SND1: variants seen among roughly 807,000 people sequenced by gnomAD.
The protein encoded by SND1 is staphylococcal nuclease domain-containing protein 1.
Under a neutral mutation model 121.7 loss-of-function variants are expected in SND1, and 38 were observed. That is an observed-to-expected ratio of 0.31 (90% confidence interval 0.24 to 0.41). SND1 has a LOEUF of 0.41. Ranked by LOEUF, SND1 falls within the 10% of genes least tolerant of loss-of-function variation. The pLI is 1.00. For synonymous variants in SND1, 401 were observed against 447.4 expected, an observed-to-expected ratio of 0.90 and a Z score of 1.31; for missense variants, 868 against 1,184.6, an observed-to-expected ratio of 0.73 and a Z score of 3.92.
At chr7:127,692,098 AG>A (rs1320761765) in intron 2 of SND1, among the ~76,000 whole-genome samples, 1 of 152,204 alleles carries the variant, frequency 6.6e-6, no homozygotes, top group Admixed American at 6.5e-5. Flanking sequence ...GAAGAGAAAG[AG>A]GGACAAAAAG....
At chr7:128,081,317 C>T (rs1273654984) in intron 17 of SND1, 43 bp from the exon 18 acceptor site, 2 of 1,611,210 alleles carry the variant, frequency 1.2e-6, no homozygotes, top group South Asian at 1.1e-5. Flanking sequence ...TTTATGACTT[C>T]ACTTCCTCGC....
chr7:127,706,085 A>AGTT (rs1455451231), intron 8 of SND1, among the ~76,000 whole-genome samples: 2 of 152,216 alleles, frequency 1.3e-5, no homozygotes, highest in Non-Finnish European at 2.9e-5. Context: ...GTTGTTCTAC[A>AGTT]ATTAAGTTAG....
chr7:127,856,226 A>G (rs1799270433), intron 12 of SND1, among the ~76,000 whole-genome samples: 1 of 152,236 alleles, frequency 6.6e-6, no homozygotes, highest in African/African-American at 2.4e-5. Flanking sequence ...TAATAAAAAC[A>G]GTATATTGGA....
chr7:128,006,337 G>A (rs994143651), intron 16 of SND1, among the ~76,000 whole-genome samples: 1 of 151,968 alleles, frequency 6.6e-6, no homozygotes, highest in African/African-American at 2.4e-5. Context: ...GCGTGCATGT[G>A]TGTTTTGACC....
intron 10 of SND1, among the ~76,000 whole-genome samples, chr7:127,784,619 G>T (rs1004765608): frequency 6.6e-6 from 1 of 152,096 alleles, no homozygotes; most frequent in Non-Finnish European, 1.5e-5. Flanking sequence ...CCACCACATT[G>T]TTCTCCCTTT....
chr7:128,084,382 GTC>G (rs1793654539), intron 18 of SND1, among the ~76,000 whole-genome samples: 2 of 152,218 alleles, frequency 1.3e-5, no homozygotes, highest in South Asian at 4.1e-4. Context: ...CTTGCTCCCT[GTC>G]TACTTTCTTT....
At chr7:127,835,939 A>G (rs1178432703) in intron 11 of SND1, among the ~76,000 whole-genome samples, 1 of 152,152 alleles carries the variant, frequency 6.6e-6, no homozygotes, top group Non-Finnish European at 1.5e-5. Context: ...TGTTATCACT[A>G]CTTCTAGAAA....
intron 11 of SND1, among the ~76,000 whole-genome samples, chr7:127,813,774 G>C (rs547309429): frequency 6.6e-6 from 1 of 152,110 alleles, no homozygotes; most frequent in African/African-American, 2.4e-5. Context: ...TGTTGGCCAG[G>C]CAGGTCTCAA....
intron 11 of SND1, among the ~76,000 whole-genome samples, chr7:127,816,638 T>C (rs900847446): frequency 1.3e-4 from 19 of 151,768 alleles, no homozygotes; most frequent in Admixed American, 3.9e-4. Flanking sequence ...AGTAACCTAG[T>C]AACACCAATT....
chr7:127,870,908 C>A (rs1269390486), intron 12 of SND1, among the ~76,000 whole-genome samples: 16 of 152,136 alleles, frequency 1.1e-4, no homozygotes, highest in African/African-American at 3.9e-4. Flanking sequence ...TGTAATAACA[C>A]TTAGCTTAAA....
intron 10 of SND1, among the ~76,000 whole-genome samples, chr7:127,799,748 A>G (rs1798095152): frequency 6.6e-6 from 1 of 152,176 alleles, no homozygotes; most frequent in Non-Finnish European, 1.5e-5. Flanking sequence ...TGTCTCTGTT[A>G]TAGACTGTAT....
At chr7:128,051,634 T>A (rs994257043) in intron 16 of SND1, among the ~76,000 whole-genome samples, 1 of 152,168 alleles carries the variant, frequency 6.6e-6, no homozygotes, top group African/African-American at 2.4e-5. Flanking sequence ...GGGATCCTGA[T>A]AAATGGAGGG....
At chr7:127,955,888 A>G (rs1584693418) in intron 15 of SND1, among the ~76,000 whole-genome samples, 1 of 151,762 alleles carries the variant, frequency 6.6e-6, no homozygotes, top group East Asian at 1.9e-4. Flanking sequence ...CATGATCTAT[A>G]CCCTGTTCAT....
intron 11 of SND1, among the ~76,000 whole-genome samples, chr7:127,815,693 G>T (rs1434349035): frequency 6.6e-6 from 1 of 152,138 alleles, no homozygotes; most frequent in Non-Finnish European, 1.5e-5. Context: ...GGGGCCTTTA[G>T]AGGTATAATG....
intron 16 of SND1, chr7:127,999,808 T>A (rs996678940): frequency 6.6e-6 from 1 of 152,132 alleles, no homozygotes; most frequent in African/African-American, 2.4e-5. Context: ...GAGCCATTCC[T>A]ATGGAAGATA....
chr7:127,763,204 T>A (rs150546703), intron 10 of SND1, among the ~76,000 whole-genome samples: 260 of 152,294 alleles, frequency 1.7e-3, no homozygotes, highest in African/African-American at 5.9e-3. Flanking sequence ...AAATCAAGCA[T>A]GTGAGGCTGG....
intron 3 of SND1, among the ~76,000 whole-genome samples, chr7:127,696,575 A>G (rs1234247397): frequency 6.6e-6 from 1 of 152,206 alleles, no homozygotes; most frequent in Non-Finnish European, 1.5e-5. Context: ...CAATTCCATA[A>G]TAGCTGATCA....
At chr7:127,778,352 C>G (rs1217216410) in intron 10 of SND1, among the ~76,000 whole-genome samples, 1 of 152,120 alleles carries the variant, frequency 6.6e-6, no homozygotes, top group African/African-American at 2.4e-5. Flanking sequence ...CGCGTGCCAC[C>G]ACGCCCAGCT....
intron 10 of SND1, among the ~76,000 whole-genome samples, chr7:127,730,350 A>G (rs923098228): frequency 6.6e-6 from 1 of 152,218 alleles, no homozygotes; most frequent in African/African-American, 2.4e-5. Flanking sequence ...TTAGTAGTGT[A>G]TTGGTGGCCA....
Sources: gnomAD v4.1 joint callset for allele counts (sites outside exome capture counted in the v4.1 genomes callset) on GRCh38, gnomAD v4.1.1 for gene constraint, MANE v1.5 for transcripts, NCBI Gene and HGNC (gene_info 2026-07-23, HGNC 2026-07-21) for gene names.